KIF26B: variants seen among roughly 807,000 people sequenced by gnomAD.
The protein encoded by KIF26B is kinesin family member 26B.
KIF26B carries 63 observed loss-of-function variants against 151.2 expected under a neutral mutation model. That is an observed-to-expected ratio of 0.42 (90% CI 0.34 to 0.51). The LOEUF (loss-of-function observed/expected upper bound fraction) is 0.51. Ranked by LOEUF, KIF26B falls within the 20% of genes least tolerant of loss-of-function variation. The probability of loss-of-function intolerance (pLI) is 0.07; values close to 1 mark genes in which losing one functional copy is unlikely to be tolerated. For synonymous variants in KIF26B, 1,357 were observed against 1,262.1 expected, an observed-to-expected ratio of 1.08 and a Z score of -1.59; for missense variants, 2,813 against 2,913.6, an observed-to-expected ratio of 0.97 and a Z score of 0.79.
intron 3 of KIF26B, among the ~76,000 whole-genome samples, chr1:245,413,764 G>C (rs1291907785): frequency 6.6e-6 from 1 of 152,262 alleles, no homozygotes; most frequent in African/African-American, 2.4e-5. Flanking sequence ...ACTGCAGGGA[G>C]GGGCTCTGAG....
At chr1:245,186,212 A>C (rs565995910) in intron 2 of KIF26B, among the ~76,000 whole-genome samples, 2 of 151,548 alleles carry the variant, frequency 1.3e-5, no homozygotes, top group African/African-American at 4.8e-5. Flanking sequence ...CACGTGCGCT[A>C]ATTTTCCAAA....
At chr1:245,600,248 C>T (rs1297981410) in intron 5 of KIF26B, among the ~76,000 whole-genome samples, 2 of 127,504 alleles carry the variant, frequency 1.6e-5, no homozygotes, top group African/African-American at 2.9e-5. Flanking sequence ...CCGTGTTAGC[C>T]AGGATGGTCT....
intron 2 of KIF26B, among the ~76,000 whole-genome samples, chr1:245,219,054 G>C (rs776426570): frequency 6.6e-6 from 1 of 150,824 alleles, no homozygotes; most frequent in Non-Finnish European, 1.5e-5. Context: ...TGTTCTGACC[G>C]TGGGTTACTT....
At chr1:245,284,249 A>G (rs1671125977) in intron 2 of KIF26B, among the ~76,000 whole-genome samples, 1 of 152,218 alleles carries the variant, frequency 6.6e-6, no homozygotes, top group South Asian at 2.1e-4. Flanking sequence ...ACTTTTAAAA[A>G]GGTGTATCTG....
At chr1:245,464,250 T>C (rs1161163983) in intron 4 of KIF26B, among the ~76,000 whole-genome samples, 1 of 152,190 alleles carries the variant, frequency 6.6e-6, no homozygotes, top group East Asian at 1.9e-4. Flanking sequence ...TTCTGAATTG[T>C]TTTAATAGCA....
At chr1:245,208,804 T>A (rs1669456440) in intron 2 of KIF26B, among the ~76,000 whole-genome samples, 1 of 152,162 alleles carries the variant, frequency 6.6e-6, no homozygotes, top group Admixed American at 6.6e-5. Context: ...AAATGTAGCA[T>A]GTGTGAGTCG....
At chr1:245,551,211 T>G (rs1661873714) in intron 5 of KIF26B, among the ~76,000 whole-genome samples, 1 of 152,098 alleles carries the variant, frequency 6.6e-6, no homozygotes, top group Non-Finnish European at 1.5e-5. Context: ...CCTGCTAATT[T>G]TTTGTATTTT....
chr1:245,664,051 AC>A (rs2044185638), intron 10 of KIF26B, among the ~76,000 whole-genome samples: 1 of 152,136 alleles, frequency 6.6e-6, no homozygotes, highest in South Asian at 2.1e-4. Flanking sequence ...TGCAGGTTCA[AC>A]AATGCATTTA....
rs772964880 is a variant in KIF26B, at chr1:245,688,810, A to G, written c.5824+3A>G. 2 of 1,567,388 alleles carry G rather than the reference A, an allele frequency of 1.3e-6. No individual in the cohort carries two copies. The highest frequency in any genetic ancestry group is 3.5e-5 in the Admixed American group (2 of 56,832). Reference sequence around the variant, plus strand: ...CCCGAAGAAACGCTCCAATCCAGGTAGGCGGCTGGGCGCAGGGACGCGGGT... The same window carrying G: ...CCCGAAGAAACGCTCCAATCCAGGTGGGCGGCTGGGCGCAGGGACGCGGGT... On this transcript the variant is annotated splice_donor_region_variant and intron_variant, in intron 12 of 14. Coordinates refer to ENST00000407071, the MANE Select transcript of KIF26B (RefSeq NM_018012.4).
chr1:245,326,961 C>T (rs545946580), intron 2 of KIF26B, among the ~76,000 whole-genome samples: 5 of 152,228 alleles, frequency 3.3e-5, no homozygotes, highest in South Asian at 2.1e-4. Context: ...TGTTTCCTAT[C>T]GCTTACAGTT....
At chr1:245,517,219 C>A (rs1365183282) in intron 4 of KIF26B, among the ~76,000 whole-genome samples, 1 of 152,008 alleles carries the variant, frequency 6.6e-6, no homozygotes, top group Non-Finnish European at 1.5e-5. Context: ...ATTAGCCGGG[C>A]GTGGTGACAC....
intron 4 of KIF26B, among the ~76,000 whole-genome samples, chr1:245,424,738 C>T (rs80206679): frequency 2.1e-4 from 31 of 151,006 alleles, no homozygotes; most frequent in Admixed American, 7.3e-4. Flanking sequence ...AATAAAAAAT[C>T]GGGGCTTGCA....
chr1:245,535,777 A>T (rs994348297), intron 4 of KIF26B, among the ~76,000 whole-genome samples: 1 of 152,226 alleles, frequency 6.6e-6, no homozygotes, highest in Non-Finnish European at 1.5e-5. Context: ...AATACAGGAC[A>T]CATAGGCCTA....
intron 5 of KIF26B, among the ~76,000 whole-genome samples, chr1:245,566,112 C>T (rs1350861676): frequency 6.6e-6 from 1 of 152,244 alleles, no homozygotes; most frequent in Non-Finnish European, 1.5e-5. Context: ...TCCCAGCAGG[C>T]CCCACCTCCA....
chr1:245,581,594 G>A (rs77896577), intron 5 of KIF26B, among the ~76,000 whole-genome samples: 11,004 of 152,194 alleles, frequency 0.072, 573 homozygotes, highest in East Asian at 0.2. Context: ...CAGGTCTTCA[G>A]TTCCTATAAG....
At chr1:245,463,325 C>T (rs189021911) in intron 4 of KIF26B, among the ~76,000 whole-genome samples, 4 of 152,308 alleles carry the variant, frequency 2.6e-5, no homozygotes, top group African/African-American at 9.6e-5. Context: ...CTTGCCAGAT[C>T]TCATGGCTAA....
chr1:245,574,175 C>T (rs995692440), intron 5 of KIF26B, among the ~76,000 whole-genome samples: 5 of 152,128 alleles, frequency 3.3e-5, no homozygotes, highest in South Asian at 2.1e-4. Flanking sequence ...GATGGAGTCT[C>T]GCTCTGTTGT....
At chr1:245,514,928 T>G (rs1660916702) in intron 4 of KIF26B, among the ~76,000 whole-genome samples, 1 of 152,220 alleles carries the variant, frequency 6.6e-6, no homozygotes, top group Non-Finnish European at 1.5e-5. Context: ...AATACTGTCC[T>G]CATGTTCTCC....
At chr1:245,409,455 C>T (rs893538864) in intron 3 of KIF26B, among the ~76,000 whole-genome samples, 3 of 152,180 alleles carry the variant, frequency 2.0e-5, no homozygotes, top group Admixed American at 1.3e-4. Flanking sequence ...CATGAGCAGC[C>T]TCTTCTGTTT....
Sources: allele counts gnomAD v4.1 joint callset (sites outside exome capture counted in the v4.1 genomes callset), GRCh38; gene constraint gnomAD v4.1.1; transcripts MANE v1.5; gene names NCBI Gene and HGNC (gene_info 2026-07-23, HGNC 2026-07-21).